The following ITGA8 variants were observed in gnomAD, a reference collection of about 807,000 sequenced individuals.
ITGA8 encodes the protein integrin subunit alpha 8.
In ITGA8, 91 loss-of-function variants were observed where a neutral mutation model predicts 142.3. The ratio of observed to expected loss-of-function variants is 0.64; its 90% CI spans 0.54 to 0.76. The LOEUF (loss-of-function observed/expected upper bound fraction) is 0.76, where lower values mean the gene tolerates loss of function less well. ITGA8 is among the 30% of genes least tolerant of loss of function. ITGA8 has a pLI of 0.00. For synonymous variants in ITGA8, 505 were observed against 485.2 expected (o/e 1.04, Z -0.54); for missense variants, 1,406 against 1,327.7 (o/e 1.06, Z -0.92).
chr10:15,628,396 G>C (rs1417836151), intron 13 of ITGA8, among the ~76,000 whole-genome samples: 2 of 119,394 alleles, frequency 1.7e-5, no homozygotes, highest in Non-Finnish European at 3.2e-5. Flanking sequence ...TGCAGTGGCC[G>C]ATCTCTGCTC....
chr10:15,644,455 TATATATATA>T (rs1833934056), intron 12 of ITGA8, among the ~76,000 whole-genome samples: 1 of 7,644 alleles, frequency 1.3e-4, no homozygotes, highest in South Asian at 0.028. Flanking sequence ...TATATATATA[TATATATATA>T]TATATATATA....
In ITGA8 at chr10:15,515,316, C is replaced by G. The variant is rs995579456; in HGVS notation, c.*1842G>C. The G allele has an allele frequency of 2.0e-5, 3 of 152,294 alleles. No individual in the cohort carries two copies. Among genetic ancestry groups the G allele is most frequent in the African/African-American group, 7.2e-5 (3 of 41,434 alleles). 9.4% of individuals were successfully genotyped at this position (152,294 alleles called of 1,614,324 possible). On this transcript the variant is annotated 3_prime_UTR_variant, in exon 30 of 30. Transcript: ENST00000378076. ...CACAAACCAGCCTTGAGCTCCTGAC[C>G]GACCCGAAACTGCTACCAGGACAGT...
intron 18 of ITGA8, 113 bp downstream of exon 18, chr10:15,606,172 G>T: frequency 2.3e-6 from 2 of 886,926 alleles, no homozygotes; most frequent in Non-Finnish European, 3.4e-6. Context: ...AATGTTCCAT[G>T]TCTGCATGCA....
At chr10:15,525,496 G>T (rs1022448594) in intron 28 of ITGA8, among the ~76,000 whole-genome samples, 1 of 151,746 alleles carries the variant, frequency 6.6e-6, no homozygotes, top group African/African-American at 2.4e-5. Flanking sequence ...TACAAAATTA[G>T]CCAGGCGTGG....
intron 2 of ITGA8, among the ~76,000 whole-genome samples, chr10:15,702,393 C>T (rs537194097): frequency 3.3e-5 from 5 of 151,930 alleles, no homozygotes; most frequent in African/African-American, 7.2e-5. Flanking sequence ...CGGATTCAAG[C>T]GATTCTCCTG....
chr10:15,684,885 G>A (rs1834807233), intron 3 of ITGA8, among the ~76,000 whole-genome samples: 4 of 152,108 alleles, frequency 2.6e-5, no homozygotes, highest in Admixed American at 2.6e-4. Flanking sequence ...CAAATTAAAG[G>A]ATGCAAACAA....
rs945175670 is a variant in ITGA8, at chr10:15,666,293, G to A, written c.847+5310C>T. 3.3e-5 allele frequency among the ~76,000 whole-genome samples: 5 copies of A among 152,230 alleles called. No individual in the cohort carries two copies. In the South Asian group the frequency reaches 8.3e-4, roughly 25 times the overall value. On this transcript the variant is annotated intron_variant, in intron 8 of 29. Coordinates refer to ENST00000378076, the MANE Select transcript of ITGA8 (RefSeq NM_003638.3). The stretch of plus-strand genomic sequence containing the variant: ...CTCTTTGAAGCAATTATGAATGGGA[G>A]TTCACTCATGATTTGGCTCTCTGTT...
chr10:15,635,956 C>T (rs1373757093), intron 13 of ITGA8, among the ~76,000 whole-genome samples: 2 of 150,070 alleles, frequency 1.3e-5, no homozygotes, highest in Non-Finnish European at 3.0e-5. Flanking sequence ...CACACACACA[C>T]AGAGCACTCA....
chr10:15,657,872 A>G (rs1042864347), intron 10 of ITGA8, among the ~76,000 whole-genome samples: 1 of 152,168 alleles, frequency 6.6e-6, no homozygotes, highest in African/African-American at 2.4e-5. Context: ...TTTATTTTAA[A>G]TTTGTCCTGC....
chr10:15,575,024 C>T (rs1834258053), intron 24 of ITGA8, among the ~76,000 whole-genome samples: 1 of 152,126 alleles, frequency 6.6e-6, no homozygotes, highest in Non-Finnish European at 1.5e-5. Context: ...TATTACTCAA[C>T]CGAACACCCA....
intron 25 of ITGA8, 24 bp from the exon 26 acceptor site, chr10:15,558,226 C>T: frequency 6.2e-7 from 1 of 1,613,310 alleles, no homozygotes; most frequent in Non-Finnish European, 8.5e-7. Context: ...GTGGGAGATA[C>T]CACATTAAAA....
chr10:15,643,628 C>T (rs1405535218), intron 13 of ITGA8, among the ~76,000 whole-genome samples: 3 of 152,176 alleles, frequency 2.0e-5, no homozygotes, highest in Non-Finnish European at 4.4e-5. Context: ...TCATGACAGA[C>T]ACGTTGAGGT....
intron 11 of ITGA8, among the ~76,000 whole-genome samples, chr10:15,655,063 C>T (rs1834157153): frequency 6.6e-6 from 1 of 151,494 alleles, no homozygotes; most frequent in African/African-American, 2.4e-5. Context: ...GATGAATGTT[C>T]TCAATGGCTA....
intron 13 of ITGA8, among the ~76,000 whole-genome samples, chr10:15,633,032 A>G (rs1833711451): frequency 1.3e-5 from 2 of 152,098 alleles, no homozygotes; most frequent in African/African-American, 4.8e-5. Context: ...CTTTTTCATT[A>G]TTACTCATTC....
At chr10:15,703,780 CA>C (rs1156628974) in intron 2 of ITGA8, among the ~76,000 whole-genome samples, 1 of 152,294 alleles carries the variant, frequency 6.6e-6, no homozygotes, top group African/African-American at 2.4e-5. Flanking sequence ...TAGGCATGCT[CA>C]AACACACAGA....
At chr10:15,653,721 C>A (rs1379141756) in intron 11 of ITGA8, among the ~76,000 whole-genome samples, 1 of 152,180 alleles carries the variant, frequency 6.6e-6, no homozygotes, top group East Asian at 1.9e-4. Context: ...GTGCCTCTTC[C>A]AGAATGTCAT....
chr10:15,658,492 A>G (rs543115644), intron 10 of ITGA8, among the ~76,000 whole-genome samples: 12 of 151,508 alleles, frequency 7.9e-5, no homozygotes, highest in African/African-American at 2.7e-4. Flanking sequence ...GCTTACAGAG[A>G]CTGTGGCCTT....
In ITGA8 at chr10:15,516,074, C is replaced by T. The variant is rs1000100339; in HGVS notation, c.*1084G>A. On this transcript the variant is annotated 3_prime_UTR_variant, in exon 30 of 30. Transcript: ENST00000378076. ...CAAGTACAAGGCATAGCAGGAAAAA[C>T]GGGTATTTAATCCCAAGCTAAATAT... 8 of 152,042 alleles carry T rather than the reference C, an allele frequency of 5.3e-5. No individual in the cohort carries two copies. The highest frequency in any genetic ancestry group is 8.8e-5 in the Non-Finnish European group (6 of 68,004). 9.4% of individuals were successfully genotyped at this position (152,042 alleles called of 1,614,324 possible).
intron 2 of ITGA8, among the ~76,000 whole-genome samples, chr10:15,715,400 C>T (rs1425173844): frequency 6.6e-6 from 1 of 152,130 alleles, no homozygotes; most frequent in Non-Finnish European, 1.5e-5. Context: ...GGGGCTTAGT[C>T]ATAATCCTGA....
Sources: allele counts gnomAD v4.1 joint callset (sites outside exome capture counted in the v4.1 genomes callset), GRCh38; gene constraint gnomAD v4.1.1; transcripts MANE v1.5; gene names NCBI Gene and HGNC (gene_info 2026-07-23, HGNC 2026-07-21).